The following ZNF717 variants were observed in gnomAD, a reference collection of about 807,000 sequenced individuals.
The protein encoded by ZNF717 is zinc finger protein 717.
A neutral mutation model predicts 13.8 loss-of-function variants in ZNF717; 9 were observed. The ratio of observed to expected loss-of-function variants is 0.65; its 90% CI spans 0.39 to 1.14. The LOEUF is 1.14. Ranked by LOEUF, ZNF717 falls within the 50% of genes most tolerant of loss-of-function variation. ZNF717 has a pLI of 0.01. For synonymous variants in ZNF717, 327 were observed against 364.1 expected, an observed-to-expected ratio of 0.90 and a Z score of 1.16; for missense variants, 1,040 against 1,080.7, an observed-to-expected ratio of 0.96 and a Z score of 0.53.
chr3:75,762,300 G>A (rs1943100531), intron 2 of ZNF717, among the ~76,000 whole-genome samples: 1 of 152,000 alleles, frequency 6.6e-6, no homozygotes, highest in South Asian at 2.1e-4. Context: ...AATTAGCTGG[G>A]CATGGTGGCG....
chr3:75,708,424 A>C (rs1937851009), downstream of ZNF717, among the ~76,000 whole-genome samples: 1 of 152,246 alleles, frequency 6.6e-6, no homozygotes, highest in South Asian at 2.1e-4. Context: ...TTAGAAGGAA[A>C]ACTAACAAAC....
chr3:75,731,437 G>A (rs1356372564), downstream of ZNF717, among the ~76,000 whole-genome samples: 9 of 152,056 alleles, frequency 5.9e-5, no homozygotes, highest in African/African-American at 2.2e-4. Flanking sequence ...GTGGGTGCCT[G>A]TAATCTCAGC....
downstream of ZNF717, among the ~76,000 whole-genome samples, chr3:75,729,217 T>A (rs1332264920): frequency 6.6e-6 from 1 of 152,078 alleles, no homozygotes; most frequent in Non-Finnish European, 1.5e-5. Context: ...TCAGTGAATC[T>A]GCATTTATAC....
intron 2 of ZNF717, among the ~76,000 whole-genome samples, chr3:75,746,933 T>A (rs1941238662): frequency 6.6e-6 from 1 of 152,242 alleles, no homozygotes; most frequent in Non-Finnish European, 1.5e-5. Context: ...CATGAAGTCC[T>A]TGCCCATGCC....
chr3:75,762,440 C>CAAAAAAA (rs36024450), intron 2 of ZNF717, among the ~76,000 whole-genome samples: 1 of 116,438 alleles, frequency 8.6e-6, no homozygotes, highest in Non-Finnish European at 1.7e-5. Flanking sequence ...GACTCCATCT[C>CAAAAAAA]AAAAAAAAAA....
intron 2 of ZNF717, among the ~76,000 whole-genome samples, chr3:75,764,653 A>G (rs1943287505): frequency 6.6e-6 from 1 of 152,354 alleles, no homozygotes; most frequent in East Asian, 1.9e-4. Flanking sequence ...AATAGCCAAC[A>G]GATACATGAG....
At chr3:75,750,741 T>C (rs915465351) in intron 2 of ZNF717, among the ~76,000 whole-genome samples, 1 of 151,600 alleles carries the variant, frequency 6.6e-6, no homozygotes, top group Non-Finnish European at 1.5e-5. Flanking sequence ...TCTGAATGTT[T>C]TTCCCTCACA....
chr3:75,701,030 A>G (rs1229352995), intron 6 of ZNF717, among the ~76,000 whole-genome samples: 1 of 152,298 alleles, frequency 6.6e-6, no homozygotes, highest in Non-Finnish European at 1.5e-5. Flanking sequence ...AAATATTTGT[A>G]AATTATCCAT....
At chr3:75,713,270 C>T (rs146562514) in intron 5 of ZNF717, among the ~76,000 whole-genome samples, 4 of 152,124 alleles carry the variant, frequency 2.6e-5, no homozygotes, top group Non-Finnish European at 4.4e-5. Context: ...CCCACCTCAG[C>T]CTCCCCAGTA....
At chr3:75,699,140 C>T (rs1306644312) in intron 6 of ZNF717, among the ~76,000 whole-genome samples, 1 of 152,280 alleles carries the variant, frequency 6.6e-6, no homozygotes, top group African/African-American at 2.4e-5. Flanking sequence ...GATTATTTAC[C>T]CAATGCCACT....
rs75640424 is a variant in ZNF717 at position 75,736,811 on chromosome 3, T to C, written c.*67A>G. 7.5e-7 allele frequency: 1 copy of C among 1,327,124 alleles called. No individual in the cohort carries two copies. Among genetic ancestry groups the C allele is most frequent in the Non-Finnish European group, 1.0e-6 (1 of 991,546 alleles). The allele number at this position is 1,327,124 out of a possible 1,614,324, so 82.2% of individuals were successfully genotyped here. A position where few individuals can be genotyped will look rare whatever the true frequency, so the allele number is the denominator to read the frequency against. On this transcript the variant is annotated 3_prime_UTR_variant, in exon 5 of 5. Transcript: ENST00000652011. ...CAGGAGGTAATGGTCACCATTTGTG[T>C]CCATATTCTCCTAGACTGAGCATGG... is the stretch of plus-strand genomic sequence containing the variant.
chr3:75,720,787 A>T (rs1346323431), intron 4 of ZNF717, among the ~76,000 whole-genome samples: 1 of 152,262 alleles, frequency 6.6e-6, no homozygotes, highest in Non-Finnish European at 1.5e-5. Flanking sequence ...GTTCAAGGCC[A>T]GCCTAGTCAA....
chr3:75,714,093 C>T (rs79157801), intron 5 of ZNF717, among the ~76,000 whole-genome samples: 11 of 152,192 alleles, frequency 7.2e-5, no homozygotes, highest in East Asian at 3.9e-4. Flanking sequence ...AACATGAAAG[C>T]GGACTAGGAG....
chr3:75,704,359 A>G lies in ZNF717; in HGVS notation n.1085+6828T>C, dbSNP rs1253656557. Among the ~76,000 whole-genome samples the G allele has an allele frequency of 8.5e-5, 13 of 152,422 alleles. No individual in the cohort carries two copies. The East Asian group carries it at 2.1e-3, about 25-fold the overall frequency. ...GCAACATCTTTCGGCAATATCATGA[A>G]GGGACGCCAAGACAAGACCCCCACT... On this transcript the variant is annotated intron_variant and non_coding_transcript_variant, in intron 6 of 6. Transcript: ENST00000648506.
intron 5 of ZNF717, among the ~76,000 whole-genome samples, chr3:75,712,159 T>A (rs1937952485): frequency 1.3e-5 from 2 of 152,150 alleles, no homozygotes; most frequent in African/African-American, 4.8e-5. Flanking sequence ...AGCACAATGT[T>A]ATGCCTTTTT....
At chr3:75,778,098 T>A (rs1455254511) in intron 2 of ZNF717, among the ~76,000 whole-genome samples, 2 of 148,130 alleles carry the variant, frequency 1.4e-5, no homozygotes, top group Non-Finnish European at 3.0e-5. Context: ...ACAATGGGAG[T>A]GACGTGCTAA....
At chr3:75,765,047 G>T (rs1162122992) in intron 2 of ZNF717, among the ~76,000 whole-genome samples, 1 of 86,644 alleles carries the variant, frequency 1.2e-5, no homozygotes. Context: ...GTGTGTGTGT[G>T]TGTGTGTGTG....
At chr3:75,781,136 G>C (rs2107744779) in intron 2 of ZNF717, among the ~76,000 whole-genome samples, 1 of 152,386 alleles carries the variant, frequency 6.6e-6, no homozygotes, top group Non-Finnish European at 1.5e-5. Context: ...AGTCCTTGTG[G>C]ATGAACTGCA....
chr3:75,779,113 T>G (rs898810701), intron 2 of ZNF717, among the ~76,000 whole-genome samples: 231 of 94,528 alleles, frequency 2.4e-3, no homozygotes, highest in East Asian at 5.3e-3. Flanking sequence ...AACAATGGGA[T>G]TGACGTGCTA....
Sources: allele counts gnomAD v4.1 joint callset (sites outside exome capture counted in the v4.1 genomes callset), GRCh38; gene constraint gnomAD v4.1.1; transcripts MANE v1.5; gene names NCBI Gene and HGNC (gene_info 2026-07-23, HGNC 2026-07-21).